The following PDE8B variants were observed in gnomAD, a reference collection of about 807,000 sequenced individuals.
The protein encoded by PDE8B is high affinity cAMP-specific and IBMX-insensitive 3',5'-cyclic phosphodiesterase 8B.
PDE8B carries 26 observed loss-of-function variants against 101.3 expected under a neutral mutation model. The ratio of observed to expected loss-of-function variants is 0.26; its 90% CI spans 0.19 to 0.36. The LOEUF is 0.36. Ranked by LOEUF, PDE8B falls within the 10% of genes least tolerant of loss-of-function variation. The pLI is 1.00. For synonymous variants in PDE8B, 424 were observed against 429.3 expected (o/e 0.99, Z 0.15); for missense variants, 810 against 1,163.1 (o/e 0.70, Z 4.42).
At chr5:77,260,094 T>C (rs1295182269) in intron 1 of PDE8B, among the ~76,000 whole-genome samples, 1 of 142,386 alleles carries the variant, frequency 7.0e-6, no homozygotes, top group Non-Finnish European at 1.5e-5. Context: ...AACTCGGGAG[T>C]TGCAGTGAGC....
At chr5:77,407,129 A>G (rs1223947620) in intron 12 of PDE8B, among the ~76,000 whole-genome samples, 1 of 152,028 alleles carries the variant, frequency 6.6e-6, no homozygotes, top group Non-Finnish European at 1.5e-5. Context: ...CCTTCTCTGA[A>G]ATTCCCCTTG....
intron 1 of PDE8B, among the ~76,000 whole-genome samples, chr5:77,281,781 G>T (rs1200961148): frequency 6.6e-6 from 1 of 152,080 alleles, no homozygotes; most frequent in Non-Finnish European, 1.5e-5. Context: ...CTCTTTGGAG[G>T]GTATTATTCA....
chr5:77,423,449 C>T (rs576360348), intron 20 of PDE8B, among the ~76,000 whole-genome samples: 1 of 152,136 alleles, frequency 6.6e-6, no homozygotes, highest in South Asian at 2.1e-4. Context: ...CTGCTTTCCA[C>T]AGGGGCTAGC....
chr5:77,236,231 A>G (rs980781289), intron 1 of PDE8B, among the ~76,000 whole-genome samples: 2 of 152,214 alleles, frequency 1.3e-5, no homozygotes, highest in Non-Finnish European at 2.9e-5. Flanking sequence ...TTGGGATGGA[A>G]TAAGTGAGAG....
intron 1 of PDE8B, among the ~76,000 whole-genome samples, chr5:77,264,471 G>C (rs1048701611): frequency 6.6e-6 from 1 of 152,186 alleles, no homozygotes; most frequent in African/African-American, 2.4e-5. Flanking sequence ...TTTTCAGAAT[G>C]AAAGTGAGCC....
At chr5:77,424,683 G>A (rs561619958) in intron 20 of PDE8B, among the ~76,000 whole-genome samples, 32 of 152,304 alleles carry the variant, frequency 2.1e-4, no homozygotes, top group Non-Finnish European at 2.9e-4. Flanking sequence ...TCAAGTGTAC[G>A]TGTACTCCCA....
At chr5:77,331,520 A>G (rs568732507) in intron 5 of PDE8B, 61 bp downstream of exon 5, 8 of 1,298,806 alleles carry the variant, frequency 6.2e-6, no homozygotes, top group Admixed American at 5.0e-5. Flanking sequence ...TAACTCTCCC[A>G]TAACAGGGAA....
chr5:77,318,466 G>T (rs1170844505), intron 2 of PDE8B, among the ~76,000 whole-genome samples: 1 of 152,180 alleles, frequency 6.6e-6, no homozygotes, highest in Non-Finnish European at 1.5e-5. Context: ...TTCACATCTT[G>T]CTGGCAGTGC....
At chr5:77,193,182 C>A in the PDE8B span, among the ~76,000 whole-genome samples, 1 of 152,032 alleles carries the variant, frequency 6.6e-6, no homozygotes, top group South Asian at 2.1e-4. Flanking sequence ...CAATGAATTG[C>A]AATTTATCAT....
the PDE8B span, among the ~76,000 whole-genome samples, chr5:77,178,335 CCTT>C: frequency 6.6e-6 from 1 of 152,036 alleles, no homozygotes; most frequent in Non-Finnish European, 1.5e-5. Context: ...TTCAAACTGT[CCTT>C]TAATCTGTTG....
At chr5:77,127,371 C>T in the PDE8B span, among the ~76,000 whole-genome samples, 4 of 152,154 alleles carry the variant, frequency 2.6e-5, no homozygotes, top group Non-Finnish European at 4.4e-5. Flanking sequence ...GCTTACACTT[C>T]TCACTCCCGC....
intron 10 of PDE8B, among the ~76,000 whole-genome samples, chr5:77,377,508 G>A (rs1209925045): frequency 6.6e-6 from 1 of 152,206 alleles, no homozygotes; most frequent in Non-Finnish European, 1.5e-5. Flanking sequence ...GGCTAATATT[G>A]TCTCATTTGA....
At chr5:77,200,819 G>A in the PDE8B span, among the ~76,000 whole-genome samples, 1 of 152,136 alleles carries the variant, frequency 6.6e-6, no homozygotes, top group African/African-American at 2.4e-5. Flanking sequence ...ATCTATTTCT[G>A]TCTATGATAT....
At chr5:77,342,226 T>G (rs1261854118) in intron 6 of PDE8B, among the ~76,000 whole-genome samples, 1 of 152,236 alleles carries the variant, frequency 6.6e-6, no homozygotes, top group East Asian at 1.9e-4. Context: ...AACAGGTATC[T>G]ACATGTGTTG....
At chr5:77,425,717 G>C (rs768437359) in intron 20 of PDE8B, 50 bp from the exon 21 acceptor site, 1 of 1,595,756 alleles carries the variant, frequency 6.3e-7, no homozygotes, top group Non-Finnish European at 8.6e-7. Context: ...ATATTACTGT[G>C]AAAGTGTCTC....
chr5:77,159,735 C>T, the PDE8B span, among the ~76,000 whole-genome samples: 1 of 152,124 alleles, frequency 6.6e-6, no homozygotes, highest in African/African-American at 2.4e-5. Flanking sequence ...AATGGCAGGG[C>T]CCCATGTGAG....
chr5:77,210,139 T>C (rs1444556482), upstream of PDE8B, among the ~76,000 whole-genome samples: 1 of 151,988 alleles, frequency 6.6e-6, no homozygotes, highest in Non-Finnish European at 1.5e-5. The surrounding 1 kb of genome is among the most constrained non-coding windows in gnomAD (Gnocchi z 4.9). Flanking sequence ...AGCTCTGGGA[T>C]GTGTGAAAAT....
At chr5:77,338,577 T>G (rs1015330119) in intron 6 of PDE8B, among the ~76,000 whole-genome samples, 1 of 152,238 alleles carries the variant, frequency 6.6e-6, no homozygotes, top group African/African-American at 2.4e-5. Flanking sequence ...TTTATGTGTA[T>G]GTCAGCTTCA....
intron 21 of PDE8B, 34 bp downstream of exon 21, chr5:77,425,930 A>C (rs1425038918): frequency 6.3e-7 from 1 of 1,597,588 alleles, no homozygotes; most frequent in Non-Finnish European, 8.6e-7. Flanking sequence ...CCCAAAGAAA[A>C]TTGTTATACT....
Sources: gnomAD v4.1 joint callset for allele counts (sites outside exome capture counted in the v4.1 genomes callset) on GRCh38, gnomAD v4.1.1 for gene constraint, Gnocchi (gnomAD v3.1) non-coding constraint, MANE v1.5 for transcripts, NCBI Gene and HGNC (gene_info 2026-07-23, HGNC 2026-07-21) for gene names.